Variants in FRMD4A observed in about 807,000 individuals in gnomAD.
The protein encoded by FRMD4A is FERM domain-containing protein 4A.
In FRMD4A, 29 loss-of-function variants were observed where a neutral mutation model predicts 129.1. That is an observed-to-expected ratio of 0.22 (90% CI 0.17 to 0.31). The LOEUF is 0.31. Among genes scored for constraint, FRMD4A ranks in the 10% least tolerant of loss-of-function variants. The pLI is 1.00. For missense variants in FRMD4A, 1,272 were observed against 1,375.8 expected, an observed-to-expected ratio of 0.92 and a Z score of 1.19; for synonymous variants, 634 against 571.6, an observed-to-expected ratio of 1.11 and a Z score of -1.56.
intron 3 of FRMD4A, among the ~76,000 whole-genome samples, chr10:13,835,223 C>T (rs1033674243): frequency 6.6e-6 from 1 of 152,196 alleles, no homozygotes; most frequent in African/African-American, 2.4e-5. Flanking sequence ...ACCTACTTAA[C>T]TCTTTGTGCC....
intron 2 of FRMD4A, among the ~76,000 whole-genome samples, chr10:13,976,839 A>T (rs2131395728): frequency 6.6e-6 from 1 of 152,360 alleles, no homozygotes; most frequent in African/African-American, 2.4e-5. Flanking sequence ...AGATTGGCTG[A>T]AGAACTATTC....
At chr10:13,815,379 G>A (rs1310187295) in intron 3 of FRMD4A, among the ~76,000 whole-genome samples, 1 of 152,130 alleles carries the variant, frequency 6.6e-6, no homozygotes, top group African/African-American at 2.4e-5. Flanking sequence ...ACAGAATAGA[G>A]GTTGTCACGG....
At chr10:14,022,512 G>C (rs1832804183) in intron 2 of FRMD4A, among the ~76,000 whole-genome samples, 1 of 152,306 alleles carries the variant, frequency 6.6e-6, no homozygotes, top group Admixed American at 6.5e-5. Flanking sequence ...TATAAACATT[G>C]CATAATGTTA....
intron 2 of FRMD4A, among the ~76,000 whole-genome samples, chr10:14,305,042 C>T (rs753945456): frequency 3.9e-5 from 6 of 152,212 alleles, no homozygotes; most frequent in Non-Finnish European, 8.8e-5. Context: ...TAATAAACAA[C>T]CTGAGCTTGA....
In FRMD4A at chr10:13,864,586, T is replaced by C. The variant is rs559918196; in HGVS notation, c.46-5674A>G. Among the ~76,000 whole-genome samples the C allele has an allele frequency of 4.6e-5, 7 of 150,730 alleles. No individual in the cohort carries two copies. In the East Asian group the frequency reaches 1.4e-3, roughly 29 times the overall value. On this transcript the variant is annotated intron_variant, in intron 2 of 24. Coordinates refer to ENST00000357447, the MANE Select transcript of FRMD4A (RefSeq NM_018027.5). The stretch of plus-strand genomic sequence containing the variant: ...TCTTCCTTCTTTCTTTCTTTTTTTT[T>C]TTTTTTTGAGCCAGTGTCTCCCTCT...
At chr10:14,314,922 C>T (rs1341215568) in intron 2 of FRMD4A, among the ~76,000 whole-genome samples, 1 of 150,550 alleles carries the variant, frequency 6.6e-6, no homozygotes, top group Non-Finnish European at 1.5e-5. Flanking sequence ...AGTCACCATG[C>T]CATGTGATTG....
At chr10:13,659,551 T>TG in intron 20 of FRMD4A, 61 bp from the exon 21 acceptor site, 1 of 1,527,892 alleles carries the variant, frequency 6.5e-7, no homozygotes, top group Non-Finnish European at 8.9e-7. Flanking sequence ...CCTGGGGGGC[T>TG]GGCTAGTTCA....
intron 2 of FRMD4A, among the ~76,000 whole-genome samples, chr10:14,137,864 C>T (rs1451411422): frequency 6.6e-6 from 1 of 152,078 alleles, no homozygotes; most frequent in East Asian, 1.9e-4. Context: ...CTTTCTTTTA[C>T]TTTCATGAGA....
chr10:13,694,035 T>C lies in FRMD4A; in HGVS notation c.980A>G (p.Lys327Arg). The C allele has an allele frequency of 6.6e-7, 1 of 1,509,572 alleles. No homozygotes were observed. The highest frequency in any genetic ancestry group is 8.8e-7 in the Non-Finnish European group (1 of 1,130,706). The allele number at this position is 1,509,572 out of a possible 1,614,324, so 93.5% of individuals were successfully genotyped here. A position where few individuals can be genotyped will look rare whatever the true frequency, so the allele number is the denominator to read the frequency against. The change falls in exon 15 of 25, where the codon AAA (lysine) becomes AGA (arginine). Residue 327 changes from lysine to arginine, a missense_variant. Coordinates refer to ENST00000357447, the MANE Select transcript of FRMD4A (RefSeq NM_018027.5). ...FYLDRKQSKS[K>R]IHAARSLSEI... is the part of the protein sequence containing the mutation. The stretch of plus-strand genomic sequence containing the variant: ...ACTCAGGCTGCGTGCTGCATGGATT[T>C]TGGACTGGAATGGAAAGGGAAGCAG...
chr10:14,323,909 G>A (rs1843163936), intron 2 of FRMD4A, among the ~76,000 whole-genome samples: 1 of 152,210 alleles, frequency 6.6e-6, no homozygotes, highest in African/African-American at 2.4e-5. Flanking sequence ...TAACCCTAGA[G>A]CTGCTGGGAG....
intron 2 of FRMD4A, among the ~76,000 whole-genome samples, chr10:14,023,873 C>T (rs1832871461): frequency 6.6e-6 from 1 of 152,140 alleles, no homozygotes; most frequent in African/African-American, 2.4e-5. Context: ...CTCCAAGTAG[C>T]AGGGACCCAC....
intron 2 of FRMD4A, among the ~76,000 whole-genome samples, chr10:13,886,218 C>T (rs971934181): frequency 1.3e-5 from 1 of 79,018 alleles, no homozygotes; most frequent in African/African-American, 4.9e-5. Context: ...TTCCCCATTA[C>T]CTGCCGTTTT....
At chr10:14,286,488 C>A (rs1200774163) in intron 2 of FRMD4A, among the ~76,000 whole-genome samples, 1 of 152,042 alleles carries the variant, frequency 6.6e-6, no homozygotes, top group Non-Finnish European at 1.5e-5. Flanking sequence ...GCTTGAGAAA[C>A]AATGTGCCAG....
chr10:14,285,615 T>G (rs1490113947), intron 2 of FRMD4A, among the ~76,000 whole-genome samples: 1 of 152,252 alleles, frequency 6.6e-6, no homozygotes, highest in Non-Finnish European at 1.5e-5. Flanking sequence ...TTGAGTCAAC[T>G]CATCTGACCA....
In FRMD4A at chr10:14,282,046, A is replaced by G. The variant is rs186367237; in HGVS notation, c.45+48012T>C. Among the ~76,000 whole-genome samples the G allele has an allele frequency of 5.3e-3, 805 of 152,318 alleles. 5 individuals are homozygous for G. The highest frequency in any genetic ancestry group is 8.1e-3 in the Non-Finnish European group (550 of 68,024). ...AGGTAAAAAGCACGTCTTACATGGC[A>G]GCAGGCAAGAGAAAGAATGAGAACC... On this transcript the variant is annotated intron_variant, in intron 2 of 24. Transcript: ENST00000357447.
At chr10:14,062,707 A>G (rs1834870930) in intron 2 of FRMD4A, among the ~76,000 whole-genome samples, 1 of 152,130 alleles carries the variant, frequency 6.6e-6, no homozygotes, top group Non-Finnish European at 1.5e-5. Flanking sequence ...ATCTCACATA[A>G]CTGAAGTCCT....
At chr10:14,129,772 C>T (rs1839143837) in intron 2 of FRMD4A, among the ~76,000 whole-genome samples, 1 of 152,136 alleles carries the variant, frequency 6.6e-6, no homozygotes, top group African/African-American at 2.4e-5. Context: ...AAGACAGGAA[C>T]TCTGACCTTT....
chr10:14,087,280 T>C (rs1374094050), intron 2 of FRMD4A, among the ~76,000 whole-genome samples: 2 of 147,412 alleles, frequency 1.4e-5, no homozygotes, highest in Admixed American at 1.4e-4. Context: ...TTAATTAATA[T>C]ATGTGTTATA....
intron 2 of FRMD4A, among the ~76,000 whole-genome samples, chr10:14,193,556 C>T (rs949110866): frequency 1.3e-5 from 2 of 148,564 alleles, no homozygotes; most frequent in African/African-American, 4.9e-5. Flanking sequence ...GAACAAGACC[C>T]CATATGGTTT....
Sources: allele counts gnomAD v4.1 joint callset (sites outside exome capture counted in the v4.1 genomes callset), GRCh38; gene constraint gnomAD v4.1.1; transcripts MANE v1.5; gene names NCBI Gene and HGNC (gene_info 2026-07-23, HGNC 2026-07-21).